The following CPQ variants were observed in gnomAD, a reference collection of about 807,000 sequenced individuals.
The protein encoded by CPQ is Ser-Met dipeptidase.
CPQ carries 37 observed loss-of-function variants against 45.7 expected under a neutral mutation model. The observed-to-expected ratio is 0.81, with a 90% CI of 0.62 to 1.07. CPQ has a LOEUF of 1.07. CPQ is among the 50% of genes least tolerant of loss of function. CPQ has a pLI of 0.00. For synonymous variants in CPQ, 186 were observed against 205.8 expected (o/e 0.90, Z 0.82); for missense variants, 537 against 572.9 (o/e 0.94, Z 0.64).
Position 96,924,220 on chromosome 8 carries a change from T to G in CPQ, c.850-41715T>G, listed in dbSNP as rs112337900. 2.8e-3 allele frequency among the ~76,000 whole-genome samples: 434 copies of G among 152,310 alleles called. 2 individuals are homozygous for G. The highest frequency in any genetic ancestry group is 9.9e-3 in the African/African-American group (410 of 41,568). On this transcript the variant is annotated intron_variant, in intron 4 of 7. Coordinates refer to ENST00000220763, the MANE Select transcript of CPQ (RefSeq NM_016134.4). ...ATAGCATCTGCTTCAACCTCTGTGTTACCACCCCCAACTGCCTTAAATGGA... is the reference window on the plus strand; with the variant it reads ...ATAGCATCTGCTTCAACCTCTGTGTGACCACCCCCAACTGCCTTAAATGGA...
At chr8:96,702,996 T>A (rs58400530) in intron 1 of CPQ, among the ~76,000 whole-genome samples, 3,648 of 152,240 alleles carry the variant, frequency 0.024, 158 homozygotes, top group African/African-American at 0.083. Flanking sequence ...TAGTTGCAGT[T>A]CTGTTGGTTG....
At chr8:97,100,879 T>C (rs1027128581) in intron 7 of CPQ, among the ~76,000 whole-genome samples, 4 of 152,096 alleles carry the variant, frequency 2.6e-5, no homozygotes, top group Non-Finnish European at 5.9e-5. Flanking sequence ...AATTTCAAAA[T>C]AGTACAAGGG....
chr8:96,739,177 A>C (rs1810041780), intron 1 of CPQ, among the ~76,000 whole-genome samples: 1 of 146,476 alleles, frequency 6.8e-6, no homozygotes, highest in African/African-American at 2.5e-5. Context: ...ATGGTATCTC[A>C]TTGTGGTTTT....
intron 4 of CPQ, among the ~76,000 whole-genome samples, chr8:96,950,649 G>A (rs1257770561): frequency 6.6e-6 from 1 of 152,046 alleles, no homozygotes; most frequent in African/African-American, 2.4e-5. Context: ...ACTACTATCA[G>A]AGCCACTTTT....
chr8:97,093,730 G>A (rs1197284679), intron 7 of CPQ, among the ~76,000 whole-genome samples: 2 of 152,110 alleles, frequency 1.3e-5, no homozygotes, highest in Non-Finnish European at 2.9e-5. Context: ...CTTCCTTTCT[G>A]TATTCTTTGT....
At chr8:96,762,738 C>T (rs1810420329) in intron 1 of CPQ, among the ~76,000 whole-genome samples, 1 of 151,984 alleles carries the variant, frequency 6.6e-6, no homozygotes, top group Non-Finnish European at 1.5e-5. Flanking sequence ...TTAATTTTTC[C>T]CTCAATGAAC....
At chr8:96,825,812 T>G (rs1435168449) in intron 2 of CPQ, among the ~76,000 whole-genome samples, 1 of 152,048 alleles carries the variant, frequency 6.6e-6, no homozygotes, top group East Asian at 1.9e-4. Context: ...CTTAAAATTT[T>G]AAGCATATCT....
At chr8:96,671,944 C>T (rs750965621) in intron 1 of CPQ, among the ~76,000 whole-genome samples, 1 of 151,984 alleles carries the variant, frequency 6.6e-6, no homozygotes, top group Non-Finnish European at 1.5e-5. Context: ...TTTTTAGGGG[C>T]CTGGCAGAAA....
chr8:96,980,864 A>G (rs1485446272), intron 5 of CPQ, among the ~76,000 whole-genome samples: 1 of 152,112 alleles, frequency 6.6e-6, no homozygotes, highest in Admixed American at 6.5e-5. Context: ...CACTTAATAG[A>G]TGTGTCATAA....
chr8:97,052,294 C>T lies in CPQ; in HGVS notation c.1054-13715C>T, dbSNP rs191376739. Among the ~76,000 whole-genome samples, 324 of 152,212 alleles carry T rather than the reference C, an allele frequency of 2.1e-3. 2 individuals carry two copies. Among genetic ancestry groups the T allele is most frequent in the Non-Finnish European group, 3.6e-3 (242 of 68,010 alleles). The stretch of plus-strand genomic sequence containing the variant: ...TTAGCCTCTCTTTATCTAAACTATA[C>T]CCATTAAATTATGTTAACTCTTCTC... On this transcript the variant is annotated intron_variant, in intron 6 of 7. Coordinates refer to ENST00000220763, the MANE Select transcript of CPQ (RefSeq NM_016134.4).
At chr8:97,094,718 C>T (rs144281697) in intron 7 of CPQ, among the ~76,000 whole-genome samples, 13 of 152,106 alleles carry the variant, frequency 8.5e-5, no homozygotes, top group Non-Finnish European at 1.3e-4. Flanking sequence ...CTAAACTTTT[C>T]CCATCAGAAT....
intron 3 of CPQ, among the ~76,000 whole-genome samples, chr8:96,878,051 C>T (rs1554574932): frequency 1.3e-5 from 2 of 152,156 alleles, no homozygotes; most frequent in Non-Finnish European, 2.9e-5. Context: ...CAAGCTCCAC[C>T]TCCTGGGTTC....
intron 4 of CPQ, among the ~76,000 whole-genome samples, chr8:96,912,505 C>T (rs1156578037): frequency 6.6e-6 from 1 of 152,084 alleles, no homozygotes; most frequent in African/African-American, 2.4e-5. Context: ...TTAAAGAGCA[C>T]ATTAAAAGAT....
chr8:97,044,214 C>T (rs1358169204), intron 6 of CPQ, among the ~76,000 whole-genome samples: 1 of 152,156 alleles, frequency 6.6e-6, no homozygotes, highest in African/African-American at 2.4e-5. Flanking sequence ...AAAATCCCTT[C>T]TCGCTTCATT....
intron 1 of CPQ, among the ~76,000 whole-genome samples, chr8:96,672,891 A>G (rs1204220249): frequency 6.6e-6 from 1 of 152,106 alleles, no homozygotes; most frequent in East Asian, 1.9e-4. Flanking sequence ...GGTTTGTTAC[A>G]TGCATATAGT....
At chr8:96,922,849 G>T (rs1812826814) in intron 4 of CPQ, among the ~76,000 whole-genome samples, 2 of 152,150 alleles carry the variant, frequency 1.3e-5, no homozygotes, top group Admixed American at 6.5e-5. Context: ...AGTTTCTTTA[G>T]GATGAGTACA....
chr8:96,860,661 G>C (rs1260098136), intron 3 of CPQ, among the ~76,000 whole-genome samples: 1 of 152,078 alleles, frequency 6.6e-6, no homozygotes, highest in Non-Finnish European at 1.5e-5. Flanking sequence ...CAGTTCATAG[G>C]GTGGATCTGC....
chr8:97,056,534 G>C (rs1196431773), intron 6 of CPQ: 2 of 152,176 alleles, frequency 1.3e-5, no homozygotes, highest in Admixed American at 6.5e-5. Context: ...GTCAAGTGCA[G>C]CTCCATCACA....
At chr8:96,775,009 G>A (rs987210672) in intron 1 of CPQ, among the ~76,000 whole-genome samples, 2 of 152,092 alleles carry the variant, frequency 1.3e-5, no homozygotes, top group East Asian at 3.9e-4. Context: ...CTCAGTGATG[G>A]CAAGACCAGT....
Sources: allele counts gnomAD v4.1 joint callset (sites outside exome capture counted in the v4.1 genomes callset), GRCh38; gene constraint gnomAD v4.1.1; transcripts MANE v1.5; gene names NCBI Gene and HGNC (gene_info 2026-07-23, HGNC 2026-07-21).